Variants in ORC3 observed in about 807,000 individuals in gnomAD.
ORC3 encodes the protein origin recognition complex subunit 3.
Under a neutral mutation model 100.7 loss-of-function variants are expected in ORC3, and 78 were observed. That is an observed-to-expected ratio of 0.77 (90% CI 0.65 to 0.94). The LOEUF is 0.94. Among genes scored for constraint, ORC3 ranks in the 40% least tolerant of loss-of-function variants. The pLI, the probability that ORC3 is intolerant of heterozygous loss-of-function variation, is 0.00. For synonymous variants in ORC3, 295 were observed against 289.3 expected (o/e 1.02, Z -0.20); for missense variants, 789 against 823.9 (o/e 0.96, Z 0.52).
intron 2 of ORC3, among the ~76,000 whole-genome samples, chr6:87,599,712 A>G (rs1777747905): frequency 7.4e-6 from 1 of 134,596 alleles, no homozygotes; most frequent in African/African-American, 2.8e-5. Flanking sequence ...GGGGTGATGT[A>G]CGCCTGTAAT....
At chr6:87,638,096 A>G (rs1420229171) in intron 13 of ORC3, among the ~76,000 whole-genome samples, 1 of 152,174 alleles carries the variant, frequency 6.6e-6, no homozygotes, top group African/African-American at 2.4e-5. Context: ...GGATTTGGAG[A>G]TCTGAGTACA....
intron 11 of ORC3, among the ~76,000 whole-genome samples, chr6:87,624,697 C>CT (rs532907952): frequency 6.6e-6 from 1 of 151,826 alleles, no homozygotes; most frequent in African/African-American, 2.4e-5. Context: ...CCTCAATTTT[C>CT]TTTTTTTTAA....
At chr6:87,602,390 T>C (rs567575179) in intron 3 of ORC3, among the ~76,000 whole-genome samples, 1 of 152,254 alleles carries the variant, frequency 6.6e-6, no homozygotes, top group East Asian at 1.9e-4. Context: ...CACTTTCTCA[T>C]CTTTATATTC....
chr6:87,616,945 G>T (rs950582414), intron 9 of ORC3, among the ~76,000 whole-genome samples: 2 of 152,014 alleles, frequency 1.3e-5, no homozygotes, highest in Non-Finnish European at 2.9e-5. Context: ...TTACAGGTGC[G>T]TGCCACCACG....
intron 3 of ORC3, among the ~76,000 whole-genome samples, chr6:87,602,167 G>A (rs1260307030): frequency 6.6e-6 from 1 of 152,054 alleles, no homozygotes; most frequent in African/African-American, 2.4e-5. Context: ...GGGAGGTGGA[G>A]GTTGCAGTGA....
chr6:87,669,072 G>A (rs138400019), downstream of ORC3, among the ~76,000 whole-genome samples: 5 of 152,330 alleles, frequency 3.3e-5, no homozygotes, highest in South Asian at 2.1e-4. Context: ...CAGGAGAATC[G>A]CTTAAACCCA....
chr6:87,665,090 C>T (rs1001613890), intron 18 of ORC3, among the ~76,000 whole-genome samples: 2 of 152,172 alleles, frequency 1.3e-5, no homozygotes, highest in Admixed American at 6.5e-5. Context: ...TTAACCAAGC[C>T]AATTCTGTGT....
intron 8 of ORC3, among the ~76,000 whole-genome samples, chr6:87,612,856 C>T (rs1353676538): frequency 6.6e-6 from 1 of 152,206 alleles, no homozygotes; most frequent in African/African-American, 2.4e-5. Flanking sequence ...GATCTACCTG[C>T]CTTGGCCTCC....
chr6:87,616,875 A>G (rs1273349877), intron 9 of ORC3, among the ~76,000 whole-genome samples: 1 of 151,590 alleles, frequency 6.6e-6, no homozygotes, highest in Non-Finnish European at 1.5e-5. Flanking sequence ...ATCTCAGCTC[A>G]CTGCAACCTT....
rs752590684 is a variant in ORC3, at chr6:87,619,259, C to T, written c.988-2095C>T. 1.4e-3 allele frequency among the ~76,000 whole-genome samples: 208 copies of T among 152,154 alleles called. 6 individuals carry two copies. The highest frequency in any genetic ancestry group is 9.9e-4 in the Non-Finnish European group (67 of 68,020). ...ATACCTTGAGACAGAAAGTAAAGGACATTAACCAAGTTACTTAATCTCTCA... is the reference window on the plus strand; with the variant it reads ...ATACCTTGAGACAGAAAGTAAAGGATATTAACCAAGTTACTTAATCTCTCA... On this transcript the variant is annotated intron_variant, in intron 9 of 19. Coordinates refer to ENST00000392844, the MANE Select transcript of ORC3 (RefSeq NM_012381.4).
In ORC3 at chr6:87,602,962, TATATATATAC is replaced by T. The variant is rs1193407004; in HGVS notation, c.178-412_178-403del. 8.1e-4 allele frequency among the ~76,000 whole-genome samples: 46 copies of T among 56,998 alleles called. 2 individuals carry two copies. The highest frequency in any genetic ancestry group is 3.8e-3 in the Admixed American group (15 of 3,906). The allele number at this position is 56,998 out of a possible 152,430, so 37.4% of individuals were successfully genotyped here. A position where few individuals can be genotyped will look rare whatever the true frequency, so the allele number is the denominator to read the frequency against. ...TATATATACACATATATAATATATA[TATATATATAC>T]ATATATATATACAATTTTTTTTTTT... is the stretch of plus-strand genomic sequence containing the variant. On this transcript the variant is annotated intron_variant, in intron 3 of 19. Transcript: ENST00000392844.
Position 87,609,216 on chromosome 6 carries a change from A to T in ORC3, c.700A>T (p.Ile234Leu). Residue 234 changes from isoleucine (I) to leucine (L), a missense_variant, in exon 7 of 20, where the codon ATA becomes TTA. Transcript: ENST00000392844. Reference sequence around the variant, plus strand: ...TGCCACAAAAGTACTACAAGACTTCATAATTATCAGCAGGTAGATGGTGTA... The same window carrying T: ...TGCCACAAAAGTACTACAAGACTTCTTAATTATCAGCAGGTAGATGGTGTA... ...SFATKVLQDF[I>L]IISSQHLHEF... 1 of 1,596,130 alleles carries T rather than the reference A, an allele frequency of 6.3e-7. No individual in the cohort carries two copies. Among genetic ancestry groups the T allele is most frequent in the Non-Finnish European group, 8.5e-7 (1 of 1,174,756 alleles).
intron 13 of ORC3, among the ~76,000 whole-genome samples, chr6:87,636,834 G>A (rs1294885644): frequency 6.6e-6 from 1 of 152,158 alleles, no homozygotes; most frequent in East Asian, 1.9e-4. Flanking sequence ...GAAAAGTGAG[G>A]TCACCATGTC....
chr6:87,612,327 A>T, intron 8 of ORC3, 79 bp downstream of exon 8: 3 of 904,966 alleles, frequency 3.3e-6, no homozygotes, highest in South Asian at 1.9e-5. Flanking sequence ...AACTGTTAAC[A>T]ATAAGCCTCT....
intron 5 of ORC3, among the ~76,000 whole-genome samples, chr6:87,606,589 A>AG (rs1778362158): frequency 6.6e-6 from 1 of 151,702 alleles, no homozygotes; most frequent in South Asian, 2.1e-4. Flanking sequence ...GTACTACAGT[A>AG]GCATGATCAT....
intron 10 of ORC3, among the ~76,000 whole-genome samples, 172 bp downstream of exon 10, chr6:87,621,659 T>A (rs1779539625): frequency 6.6e-6 from 1 of 152,118 alleles, no homozygotes; most frequent in Non-Finnish European, 1.5e-5. Context: ...AAAGTATTTT[T>A]ACAAAGGGAC....
rs1008483339 is a variant in ORC3, at chr6:87,657,992, T to G, written c.1665T>G (p.Val555=). ...QTKFEVLREN[V]VNFIDCLVRE... ...AATTTGAAGTACTCAGAGAAAATGT[T>G]GTGAACTTCATTGACTGTCTAGTGA... The change falls in exon 16 of 20, where the codon GTT becomes GTG. Residue 555 remains valine (V), a synonymous_variant. Coordinates refer to ENST00000392844, the MANE Select transcript of ORC3 (RefSeq NM_012381.4). 11 of 1,602,054 alleles carry G rather than the reference T, an allele frequency of 6.9e-6. No individual in the cohort carries two copies. The highest frequency in any genetic ancestry group is 2.7e-5 in the African/African-American group (2 of 74,670).
chr6:87,668,668 C>T (rs1268153402), downstream of ORC3, among the ~76,000 whole-genome samples: 1 of 152,158 alleles, frequency 6.6e-6, no homozygotes, highest in Non-Finnish European at 1.5e-5. Flanking sequence ...CCCCACCTCA[C>T]TCCCTGCTTT....
At chr6:87,659,628 T>C (rs546464138) in intron 16 of ORC3, among the ~76,000 whole-genome samples, 1 of 152,080 alleles carries the variant, frequency 6.6e-6, no homozygotes, top group Non-Finnish European at 1.5e-5. Context: ...ACGCCTGTAA[T>C]CCCAGCATCT....
Sources: gnomAD v4.1 joint callset for allele counts (sites outside exome capture counted in the v4.1 genomes callset) on GRCh38, gnomAD v4.1.1 for gene constraint, MANE v1.5 for transcripts, NCBI Gene and HGNC (gene_info 2026-07-23, HGNC 2026-07-21) for gene names.